Variants in CACNG5 observed in about 807,000 individuals in gnomAD.
The protein encoded by CACNG5 is calcium voltage-gated channel auxiliary subunit gamma 5, also known as voltage-dependent calcium channel gamma-5 subunit.
Under a neutral mutation model 24.8 loss-of-function variants are expected in CACNG5, and 18 were observed. The observed-to-expected ratio is 0.73, with a 90% CI of 0.50 to 1.08. The LOEUF (loss-of-function observed/expected upper bound fraction) is 1.08, where lower values mean the gene tolerates loss of function less well. Ranked by LOEUF, CACNG5 falls within the 50% of genes least tolerant of loss-of-function variation. The pLI, the probability that CACNG5 is intolerant of heterozygous loss-of-function variation, is 0.00. For missense variants in CACNG5, 349 were observed against 367.9 expected (o/e 0.95, Z 0.42); for synonymous variants, 157 against 149.1 (o/e 1.05, Z -0.39).
intron 1 of CACNG5, among the ~76,000 whole-genome samples, chr17:66,854,835 A>G (rs1031001394): frequency 7.4e-6 from 1 of 134,838 alleles, no homozygotes; most frequent in Non-Finnish European, 1.7e-5. Flanking sequence ...AATCCAATAG[A>G]AAAAAAAATG....
At chr17:66,845,147 A>G (rs1295093083) in intron 1 of CACNG5, among the ~76,000 whole-genome samples, 2 of 152,204 alleles carry the variant, frequency 1.3e-5, no homozygotes, top group Non-Finnish European at 2.9e-5. Context: ...TTGCGGGGAC[A>G]TGGATGAAGC....
chr17:66,849,186 C>T (rs1322110055), intron 1 of CACNG5, among the ~76,000 whole-genome samples: 4 of 152,270 alleles, frequency 2.6e-5, no homozygotes, highest in South Asian at 2.1e-4. Context: ...ACATCATTCC[C>T]GGTGATCAAT....
chr17:66,847,218 G>A (rs1199020380), intron 1 of CACNG5, among the ~76,000 whole-genome samples: 1 of 152,186 alleles, frequency 6.6e-6, no homozygotes, highest in Non-Finnish European at 1.5e-5. Context: ...TTGGACTTCT[G>A]TACCTGGACA....
At chr17:66,842,141 T>G (rs1976578292) in intron 1 of CACNG5, among the ~76,000 whole-genome samples, 1 of 152,134 alleles carries the variant, frequency 6.6e-6, no homozygotes, top group South Asian at 2.1e-4. Context: ...GGGCTGGTTG[T>G]CTGCAGAGGA....
intron 2 of CACNG5, among the ~76,000 whole-genome samples, chr17:66,877,865 A>T (rs1977106057): frequency 6.6e-6 from 1 of 152,244 alleles, no homozygotes; most frequent in African/African-American, 2.4e-5. Flanking sequence ...AGCTCATTGA[A>T]GTATTGATCC....
chr17:66,890,756 G>A lies in CACNG5; in HGVS notation c.*5516G>A, dbSNP rs1390760503. 6.6e-6 allele frequency among the ~76,000 whole-genome samples: 1 copy of A among 152,162 alleles called. No individual in the cohort carries two copies. Among genetic ancestry groups the A allele is most frequent in the Non-Finnish European group, 1.5e-5 (1 of 68,040 alleles). On this transcript the variant is annotated 3_prime_UTR_variant, in exon 6 of 6. Coordinates refer to ENST00000533854, the MANE Select transcript of CACNG5 (RefSeq NM_145811.3). ...TCTGTCTTTTCATTCCTGTAATGGGGGAGTGTAGATAAAATCACCTCATCA... is the reference window on the plus strand; with the variant it reads ...TCTGTCTTTTCATTCCTGTAATGGGAGAGTGTAGATAAAATCACCTCATCA...
rs759018333 is a variant in CACNG5 at position 66,877,432 on chromosome 17, C to A, written c.100C>A (p.Leu34Met). 5.6e-6 allele frequency: 9 copies of A among 1,614,022 alleles called. No homozygotes were observed. The Admixed American group carries it at 8.3e-5, about 15-fold the overall frequency. The change falls in exon 2 of 6, where the codon CTG becomes ATG. Residue 34 changes from leucine to methionine, a missense_variant. By Grantham distance (15) the Leu-to-Met change is conservative (BLOSUM62 2). Transcript: ENST00000533854. ...TATCGCGGTCAGCACCGACTACTGG[C>A]TGTACCTGGAGGAGGGTGTGATTGT... ...LGIAVSTDYW[L>M]YLEEGVIVPQ...
At chr17:66,842,129 C>T (rs976396859) in intron 1 of CACNG5, among the ~76,000 whole-genome samples, 1 of 152,216 alleles carries the variant, frequency 6.6e-6, no homozygotes, top group Non-Finnish European at 1.5e-5. Flanking sequence ...GCCAAATGGG[C>T]TGGGCTGGTT....
At chr17:66,876,198 T>C (rs922054509) in intron 1 of CACNG5, among the ~76,000 whole-genome samples, 3 of 152,232 alleles carry the variant, frequency 2.0e-5, no homozygotes, top group Admixed American at 2.0e-4. Flanking sequence ...GAACTTTGGC[T>C]ACACATTAGA....
chr17:66,840,637 T>A (rs1215231374), intron 1 of CACNG5, among the ~76,000 whole-genome samples: 1 of 152,164 alleles, frequency 6.6e-6, no homozygotes, highest in African/African-American at 2.4e-5. Context: ...ATGTGGGTTT[T>A]AAAAATACCC....
In CACNG5 at chr17:66,879,074, C is replaced by A. The variant is rs367823339; in HGVS notation, c.283+16C>A. ...AATGTTCTAAGTAAGTGCCTTGAGT[C>A]TGGCAACCTGGGCCACTGGCTGGAC... is the stretch of plus-strand genomic sequence containing the variant. On this transcript the variant is annotated intron_variant, in intron 3 of 5. Coordinates refer to ENST00000533854, the MANE Select transcript of CACNG5 (RefSeq NM_145811.3). 23 of 1,599,932 alleles carry A rather than the reference C, an allele frequency of 1.4e-5. No homozygotes were observed. In the Admixed American group the frequency reaches 2.5e-4, roughly 17 times the overall value.
At chr17:66,867,346 G>A (rs938828584) in intron 1 of CACNG5, among the ~76,000 whole-genome samples, 4 of 152,018 alleles carry the variant, frequency 2.6e-5, no homozygotes, top group Non-Finnish European at 5.9e-5. Context: ...ATTTGTTTAA[G>A]TTCCTTGTAA....
chr17:66,837,216 C>G (rs1976493018), intron 1 of CACNG5, among the ~76,000 whole-genome samples: 1 of 152,224 alleles, frequency 6.6e-6, no homozygotes, highest in Admixed American at 6.5e-5. Context: ...TGACATTGGA[C>G]TTGAGGGAAG....
At chr17:66,839,414 G>A (rs996101585) in intron 1 of CACNG5, among the ~76,000 whole-genome samples, 4 of 152,082 alleles carry the variant, frequency 2.6e-5, no homozygotes, top group East Asian at 1.9e-4. Flanking sequence ...TCCACAGAGC[G>A]AAATGAACAA....
intron 1 of CACNG5, among the ~76,000 whole-genome samples, chr17:66,873,620 A>T (rs1396695708): frequency 1.3e-5 from 2 of 152,222 alleles, no homozygotes; most frequent in Admixed American, 6.5e-5. Flanking sequence ...TCAGGGGCTT[A>T]GTCCACTGTT....
At chr17:66,837,978 C>T (rs1342290087) in intron 1 of CACNG5, among the ~76,000 whole-genome samples, 1 of 151,760 alleles carries the variant, frequency 6.6e-6, no homozygotes, top group Non-Finnish European at 1.5e-5. Flanking sequence ...CTGGGTTGGG[C>T]TCCGGCAGCC....
chr17:66,872,276 C>T (rs1977018963), intron 1 of CACNG5, among the ~76,000 whole-genome samples: 1 of 152,084 alleles, frequency 6.6e-6, no homozygotes, highest in Admixed American at 6.6e-5. Context: ...GTGATAGCAA[C>T]TTATAAAAAA....
chr17:66,872,123 A>G (rs1170864293), intron 1 of CACNG5, among the ~76,000 whole-genome samples: 1 of 152,164 alleles, frequency 6.6e-6, no homozygotes, highest in Non-Finnish European at 1.5e-5. Flanking sequence ...TGCATAACCT[A>G]ATTACCTGGA....
intron 1 of CACNG5, among the ~76,000 whole-genome samples, chr17:66,851,182 C>T (rs1246710458): frequency 6.6e-6 from 1 of 152,116 alleles, no homozygotes; most frequent in Non-Finnish European, 1.5e-5. Context: ...AAACAAAGAC[C>T]GAAGAATGAG....
Sources: allele counts gnomAD v4.1 joint callset (sites outside exome capture counted in the v4.1 genomes callset), GRCh38; gene constraint gnomAD v4.1.1; transcripts MANE v1.5; gene names NCBI Gene and HGNC (gene_info 2026-07-23, HGNC 2026-07-21).